PKN2: variants seen among roughly 807,000 people sequenced by gnomAD.
The protein encoded by PKN2 is serine/threonine-protein kinase N2.
Under a neutral mutation model 119.1 loss-of-function variants are expected in PKN2, and 38 were observed. The ratio of observed to expected loss-of-function variants is 0.32; its 90% CI spans 0.25 to 0.42. PKN2 has a LOEUF of 0.42. Ranked by LOEUF, PKN2 falls within the 10% of genes least tolerant of loss-of-function variation. The pLI is 1.00. For missense variants in PKN2, 850 were observed against 1,165.1 expected (o/e 0.73, Z 3.94); for synonymous variants, 390 against 384.9 (o/e 1.01, Z -0.15).
chr1:88,795,896 C>T (rs1274258974), intron 8 of PKN2, among the ~76,000 whole-genome samples: 1 of 152,182 alleles, frequency 6.6e-6, no homozygotes, highest in South Asian at 2.1e-4. Flanking sequence ...TTAATTCTCA[C>T]ACAGCGCTGC....
chr1:88,698,899 T>C (rs1385570400), intron 1 of PKN2, among the ~76,000 whole-genome samples: 1 of 152,184 alleles, frequency 6.6e-6, no homozygotes, highest in Non-Finnish European at 1.5e-5. Context: ...TTTTTTCTGG[T>C]AGTTTCCTTT....
In PKN2 at chr1:88,758,037, TC is replaced by T. The variant is rs1167948066; in HGVS notation, c.350-2184del. ...ACCTGGGCGACAGAGTGAGACTATC[TC>T]AAAAAAAAAAAAAAAAAAAAAAAAA... On this transcript the variant is annotated intron_variant, in intron 2 of 21. Coordinates refer to ENST00000370521, the MANE Select transcript of PKN2 (RefSeq NM_006256.4). Among the ~76,000 whole-genome samples the T allele has an allele frequency of 1.1e-3, 46 of 42,708 alleles. No homozygotes were observed. The South Asian group carries it at 0.034, about 32-fold the overall frequency. 28.0% of individuals were successfully genotyped at this position (42,708 alleles called of 152,430 possible).
intron 1 of PKN2, among the ~76,000 whole-genome samples, chr1:88,704,353 A>G (rs1666891489): frequency 6.6e-6 from 1 of 152,190 alleles, no homozygotes. Flanking sequence ...GTAGTATTTC[A>G]TTATATGGAT....
intron 16 of PKN2, among the ~76,000 whole-genome samples, chr1:88,821,068 G>A (rs191756601): frequency 3.3e-5 from 5 of 152,274 alleles, no homozygotes; most frequent in Admixed American, 2.6e-4. Context: ...AAGTCAACCT[G>A]TCAAATGCCA....
At position 88,733,278 on chromosome 1, in the gene PKN2, C is replaced by T. The variant is rs536917680; in HGVS notation, c.49-7710C>T. ...TTTGAGTAGCCTTCATGCTGTTTTCCATAATGGCTATACATTCCCACCAGC... is the reference window on the plus strand; with the variant it reads ...TTTGAGTAGCCTTCATGCTGTTTTCTATAATGGCTATACATTCCCACCAGC... On this transcript the variant is annotated intron_variant, in intron 1 of 21. Transcript: ENST00000370521. 6.6e-5 allele frequency among the ~76,000 whole-genome samples: 10 copies of T among 152,206 alleles called. No individual in the cohort carries two copies. In the South Asian group the frequency reaches 1.7e-3, roughly 25 times the overall value.
intron 8 of PKN2, among the ~76,000 whole-genome samples, chr1:88,795,914 A>G (rs1671044712): frequency 6.6e-6 from 1 of 152,244 alleles, no homozygotes; most frequent in African/African-American, 2.4e-5. Flanking sequence ...TGCAAGGTTG[A>G]TACCATTAAC....
chr1:88,822,265 T>C (rs1160361873), intron 17 of PKN2, among the ~76,000 whole-genome samples: 1 of 152,188 alleles, frequency 6.6e-6, no homozygotes, highest in Admixed American at 6.5e-5. Context: ...CTCAACAATA[T>C]TCATCCTAGT....
intron 1 of PKN2, among the ~76,000 whole-genome samples, chr1:88,720,185 T>A (rs947077383): frequency 2.6e-5 from 4 of 152,008 alleles, no homozygotes; most frequent in Admixed American, 2.0e-4. Flanking sequence ...AGGTGCACGC[T>A]AATTTTTGCA....
intron 17 of PKN2, 28 bp downstream of exon 17, chr1:88,822,031 G>T: frequency 6.8e-7 from 1 of 1,466,184 alleles, no homozygotes; most frequent in South Asian, 1.3e-5. Flanking sequence ...TTTTTCTAAT[G>T]GCTTGCTTTG....
intron 6 of PKN2, among the ~76,000 whole-genome samples, chr1:88,775,670 T>C (rs1367645793): frequency 6.6e-6 from 1 of 152,172 alleles, no homozygotes; most frequent in African/African-American, 2.4e-5. Flanking sequence ...TACAAAAAAC[T>C]CTTTGACTGT....
At chr1:88,815,455 C>G in intron 16 of PKN2, 1 of 347,166 alleles carries the variant, frequency 2.9e-6, no homozygotes, top group South Asian at 2.2e-5. Context: ...CATTTTATTT[C>G]TACATGAAAT....
intron 2 of PKN2, among the ~76,000 whole-genome samples, chr1:88,741,599 G>C (rs1048408663): frequency 6.6e-6 from 1 of 151,962 alleles, no homozygotes; most frequent in Non-Finnish European, 1.5e-5. Context: ...ATGCTTTTAC[G>C]TGATTCATCC....
chr1:88,768,036 T>TC (rs767344728), intron 3 of PKN2, among the ~76,000 whole-genome samples: 9,476 of 152,302 alleles, frequency 0.062, no homozygotes, highest in African/African-American at 0.16. Flanking sequence ...ATAGAGATGC[T>TC]TAAATAATAT....
chr1:88,723,935 T>C (rs1194828072), intron 1 of PKN2, among the ~76,000 whole-genome samples: 2 of 152,170 alleles, frequency 1.3e-5, no homozygotes, highest in East Asian at 3.9e-4. Context: ...TATTGAGACG[T>C]AGGCATTTTT....
rs529642193 is a variant in PKN2 at position 88,772,905 on chromosome 1, T to C, written c.985+1026T>C. Among the ~76,000 whole-genome samples, 4 of 152,326 alleles carry C rather than the reference T, an allele frequency of 2.6e-5. No individual in the cohort carries two copies. In the East Asian group the frequency reaches 5.8e-4, roughly 22 times the overall value. On this transcript the variant is annotated intron_variant, in intron 6 of 21. Coordinates refer to ENST00000370521, the MANE Select transcript of PKN2 (RefSeq NM_006256.4). ...CCATTATTGGAAGTATGGTAATATA[T>C]CTAACTATGTCTGTAGAACTGTCTG...
chr1:88,772,428 C>T (rs911852774), intron 6 of PKN2, among the ~76,000 whole-genome samples: 1 of 152,144 alleles, frequency 6.6e-6, no homozygotes, highest in Non-Finnish European at 1.5e-5. Context: ...CTCATTGGAG[C>T]ATTTTGGATT....
chr1:88,808,937 C>T (rs1161467183), intron 15 of PKN2, among the ~76,000 whole-genome samples: 1 of 152,134 alleles, frequency 6.6e-6, no homozygotes, highest in African/African-American at 2.4e-5. Context: ...CCCCAGTTAA[C>T]TCATATATTT....
intron 15 of PKN2, among the ~76,000 whole-genome samples, chr1:88,811,818 A>G (rs1300096470): frequency 6.6e-6 from 1 of 152,210 alleles, no homozygotes; most frequent in Non-Finnish European, 1.5e-5. Flanking sequence ...TTCCACATCT[A>G]TAATCTGATG....
At chr1:88,732,408 T>C (rs1022845357) in intron 1 of PKN2, among the ~76,000 whole-genome samples, 3 of 152,198 alleles carry the variant, frequency 2.0e-5, no homozygotes, top group African/African-American at 7.2e-5. Context: ...AAAGTGTGTT[T>C]ACACAGCAGT....
Sources: allele counts gnomAD v4.1 joint callset (sites outside exome capture counted in the v4.1 genomes callset), GRCh38; gene constraint gnomAD v4.1.1; transcripts MANE v1.5; gene names NCBI Gene and HGNC (gene_info 2026-07-23, HGNC 2026-07-21).